The following PHLDB1 variants were observed in gnomAD, a reference collection of about 807,000 sequenced individuals.
PHLDB1 encodes pleckstrin homology like domain family B member 1, also known as pleckstrin homology-like domain family B member 1.
Under a neutral mutation model 139.3 loss-of-function variants are expected in PHLDB1, and 65 were observed. The observed-to-expected ratio is 0.47, with a 90% CI of 0.38 to 0.57. PHLDB1 has a LOEUF of 0.57. Among genes scored for constraint, PHLDB1 ranks in the 20% least tolerant of loss-of-function variants. PHLDB1 has a pLI of 0.00. For missense variants in PHLDB1, 1,624 were observed against 1,839.7 expected, an observed-to-expected ratio of 0.88 and a Z score of 2.14; for synonymous variants, 679 against 734.5, an observed-to-expected ratio of 0.92 and a Z score of 1.22.
At position 118,645,705 on chromosome 11, in the gene PHLDB1, A is replaced by C. The variant is rs782604352; in HGVS notation, c.3417-30A>C. 2 of 1,611,826 alleles carry C rather than the reference A, an allele frequency of 1.2e-6. No individual in the cohort carries two copies. Among genetic ancestry groups the C allele is most frequent in the Non-Finnish European group, 1.7e-6 (2 of 1,177,938 alleles). On this transcript the variant is annotated intron_variant, in intron 16 of 22. Coordinates refer to ENST00000600882, the MANE Select transcript of PHLDB1 (RefSeq NM_001144758.3). The surrounding 1 kb of genome is among the most constrained non-coding windows in gnomAD (Gnocchi z 5.1). ...CCTCAGCCACCGCCTCAGCTCCTTG[A>C]TGCACTTCCTCTTCCCCTTCTCTCC...
chr11:118,656,616 A>G, intron 22 of PHLDB1, 67 bp from the exon 23 acceptor site: 1 of 1,505,250 alleles, frequency 6.6e-7, no homozygotes, highest in African/African-American at 1.4e-5. Flanking sequence ...GCAGATAGGG[A>G]GGCAGGTGAG....
At chr11:118,649,690 C>T (rs1004411682) in intron 18 of PHLDB1, among the ~76,000 whole-genome samples, 15 of 151,998 alleles carry the variant, frequency 9.9e-5, no homozygotes, top group African/African-American at 3.6e-4. Context: ...GGGATGTGAC[C>T]CAAACAAGGT....
chr11:118,639,634 C>A (rs1352018467), intron 12 of PHLDB1: 1 of 265,862 alleles, frequency 3.8e-6, no homozygotes, highest in Admixed American at 4.7e-5. Context: ...GGGCTTCAGT[C>A]CTGAGTTAGG....
rs781855260 is a variant in PHLDB1 at position 118,632,170 on chromosome 11, G to A, written c.2253G>A (p.Glu751=). ...LQESAREAEM[E]RALLQGEREA... ...GTGTCTGCCCCCAGGCCGAAATGGA[G>A]CGGGCACTGCTGCAGGGAGAGAGGG... The change falls in exon 9 of 23, where the codon GAG becomes GAA. Residue 751 remains glutamate, a synonymous_variant. Coordinates refer to ENST00000600882, the MANE Select transcript of PHLDB1 (RefSeq NM_001144758.3). This position sits in a 1 kb window ranked among gnomAD's most constrained non-coding sequence, Gnocchi z 5.9. 8.7e-6 allele frequency: 14 copies of A among 1,614,100 alleles called. No homozygotes were observed. The Middle Eastern group carries it at 9.9e-4, about 114-fold the overall frequency.
At chr11:118,624,466 C>T (rs11823198) in intron 4 of PHLDB1, 284 of 180,920 alleles carry the variant, frequency 1.6e-3, no homozygotes, top group African/African-American at 6.4e-3. Context: ...CAGGTGTGGA[C>T]TGTGTGGACT....
At chr11:118,624,590 C>CTTTTTTTTTTTTTTTTTT (rs67582556) in intron 4 of PHLDB1, 1 of 133,048 alleles carries the variant, frequency 7.5e-6, no homozygotes, top group African/African-American at 5.8e-5. Flanking sequence ...TTCTTCCTTT[C>CTTTTTTTTTTTTTTTTTT]TTTTTTTTTT....
At chr11:118,609,894 G>A (rs1939833275) in intron 1 of PHLDB1, among the ~76,000 whole-genome samples, 1 of 152,142 alleles carries the variant, frequency 6.6e-6, no homozygotes, top group Non-Finnish European at 1.5e-5. Context: ...GGACACCCAA[G>A]CAACAGCCCT....
At chr11:118,619,563 C>T (rs1343100389) in intron 4 of PHLDB1, among the ~76,000 whole-genome samples, 3 of 152,218 alleles carry the variant, frequency 2.0e-5, no homozygotes, top group African/African-American at 7.2e-5. Context: ...TTTGTGTCTG[C>T]CTCCTGCCCT....
intron 20 of PHLDB1, 25 bp from the exon 21 acceptor site, chr11:118,655,580 T>C (rs1205422576): frequency 4.0e-6 from 6 of 1,509,506 alleles, no homozygotes; most frequent in Non-Finnish European, 4.6e-6. Flanking sequence ...ACCGGCTCCA[T>C]AGCCCACCCT....
intron 7 of PHLDB1, 138 bp from the exon 8 acceptor site, chr11:118,631,773 TGC>T (rs1555110796): frequency 6.1e-5 from 62 of 1,009,674 alleles, no homozygotes; most frequent in Non-Finnish European, 8.4e-5. Flanking sequence ...AGGTGGGGGT[TGC>T]GGGGGGGCAG....
chr11:118,627,479 C>G lies in PHLDB1; in HGVS notation c.656C>G (p.Thr219Ser). 6.2e-7 allele frequency: 1 copy of G among 1,614,228 alleles called. No homozygotes were observed. Among genetic ancestry groups the G allele is most frequent in the South Asian group, 1.1e-5 (1 of 91,092 alleles). ...PGAAGKKPAA[T>S]SPLSPMANGG... ...GCTGCTGGCAAGAAGCCTGCCGCAA[C>G]CTCTCCACTGTCACCGATGGCTAAT... The change falls in exon 6 of 23, where the codon ACC (threonine) becomes AGC (serine). Residue 219 changes from threonine (T) to serine (S), a missense_variant. Coordinates refer to ENST00000600882, the MANE Select transcript of PHLDB1 (RefSeq NM_001144758.3).
In PHLDB1 at chr11:118,650,536, C is replaced by T; in HGVS notation, c.3863C>T (p.Ser1288Phe). The part of the protein sequence containing the change: ...FVFDRLKRTL[S>F]YYVDKHETKL... ...TTCGACCGGCTCAAGCGCACCCTTT[C>T]CTATTATGTGGGTGAGTTCCCACAA... is the stretch of plus-strand genomic sequence containing the variant. The change falls in exon 20 of 23, where the codon TCC (serine) becomes TTC (phenylalanine). Residue 1288 changes from serine to phenylalanine, a missense_variant. Ser to Phe is a radical substitution (Grantham distance 155). Coordinates refer to ENST00000600882, the MANE Select transcript of PHLDB1 (RefSeq NM_001144758.3). The surrounding 1 kb of genome is among the most constrained non-coding windows in gnomAD (Gnocchi z 4.7). 1.9e-6 allele frequency: 3 copies of T among 1,612,346 alleles called. No individual in the cohort carries two copies. Among genetic ancestry groups the T allele is most frequent in the Non-Finnish European group, 2.5e-6 (3 of 1,178,386 alleles).
intron 17 of PHLDB1, chr11:118,647,071 T>TAA (rs1947642367): frequency 6.6e-6 from 1 of 152,264 alleles, no homozygotes; most frequent in African/African-American, 2.4e-5. Context: ...TAATGACTTC[T>TAA]AAAATCCTTT....
Position 118,620,608 on chromosome 11 carries a change from G to A in PHLDB1, c.356-4326G>A, listed in dbSNP as rs937247682. Among the ~76,000 whole-genome samples the A allele has an allele frequency of 2.6e-5, 4 of 152,218 alleles. No homozygotes were observed. Among genetic ancestry groups the A allele is most frequent in the Non-Finnish European group, 5.9e-5 (4 of 68,044 alleles). Reference sequence around the variant, plus strand: ...GATGGGTACCTTATTGGGGTCGGAGGGCTCTTTGCTGGGTCTAGCACAACT... The same window carrying A: ...GATGGGTACCTTATTGGGGTCGGAGAGCTCTTTGCTGGGTCTAGCACAACT... On this transcript the variant is annotated intron_variant, in intron 4 of 22. Coordinates refer to ENST00000600882, the MANE Select transcript of PHLDB1 (RefSeq NM_001144758.3). The surrounding 1 kb of genome is among the most constrained non-coding windows in gnomAD (Gnocchi z 4.1).
At chr11:118,642,043 A>C in intron 12 of PHLDB1, 3 of 632,620 alleles carry the variant, frequency 4.7e-6, no homozygotes. Context: ...CTTTTTCTTG[A>C]TGCTCTCCTT....
chr11:118,607,539 G>A (rs1461898192), upstream of PHLDB1: 2 of 142,520 alleles, frequency 1.4e-5, 1 homozygote, highest in Admixed American at 1.4e-4. Flanking sequence ...ACGGGGGACG[G>A]GGGCGGGGAC....
At chr11:118,621,453 C>G (rs1555094878) in intron 4 of PHLDB1, 1 of 152,214 alleles carries the variant, frequency 6.6e-6, no homozygotes, top group East Asian at 1.9e-4. Flanking sequence ...GGAGGTCGGC[C>G]CGCCCCCTCA....
In PHLDB1 at chr11:118,635,404, C is replaced by T; in HGVS notation, c.2391C>T (p.Ala797=). ...CACTGTCGTTGAAGGAGGCAGAGGC[C>T]CTGGAGACTGAGACAAAGCTCTTTG... ...IQKERDKEAE[A]LETETKLFED... is the part of the protein sequence containing the mutation. The change falls in exon 10 of 23, where the codon GCC becomes GCT. Residue 797 remains alanine, a synonymous_variant. Transcript: ENST00000600882. The T allele has an allele frequency of 6.3e-7, 1 of 1,597,074 alleles. No individual in the cohort carries two copies. The highest frequency in any genetic ancestry group is 1.1e-5 in the South Asian group (1 of 87,298).
chr11:118,643,963 T>G, intron 14 of PHLDB1, 23 bp downstream of exon 14: 2 of 1,591,056 alleles, frequency 1.3e-6, no homozygotes, highest in Non-Finnish European at 1.7e-6. Context: ...TGGGTGGGGC[T>G]GCACATGTGG....
Sources: gnomAD v4.1 joint callset for allele counts (sites outside exome capture counted in the v4.1 genomes callset) on GRCh38, gnomAD v4.1.1 for gene constraint, Gnocchi (gnomAD v3.1) non-coding constraint, MANE v1.5 for transcripts, NCBI Gene and HGNC (gene_info 2026-07-23, HGNC 2026-07-21) for gene names.